The following KIAA0232 variants were observed in gnomAD, a reference collection of about 807,000 sequenced individuals.
KIAA0232 encodes KIAA0232, also known as uncharacterized protein KIAA0232.
Under a neutral mutation model 122.0 loss-of-function variants are expected in KIAA0232, and 27 were observed. That is an observed-to-expected ratio of 0.22 (90% CI 0.16 to 0.31). The LOEUF is 0.31. Ranked by LOEUF, KIAA0232 falls within the 10% of genes least tolerant of loss-of-function variation. The pLI, the probability that KIAA0232 is intolerant of heterozygous loss-of-function variation, is 1.00. For synonymous variants in KIAA0232, 613 were observed against 587.6 expected, an observed-to-expected ratio of 1.04 and a Z score of -0.63; for missense variants, 1,551 against 1,634.2, an observed-to-expected ratio of 0.95 and a Z score of 0.88.
intron 3 of KIAA0232, among the ~76,000 whole-genome samples, chr4:6,833,123 C>T (rs1379733900): frequency 6.6e-6 from 1 of 152,126 alleles, no homozygotes; most frequent in Non-Finnish European, 1.5e-5. Context: ...TGCGGTGTTT[C>T]CTGTTACAGT....
At position 6,882,621 on chromosome 4, in the gene KIAA0232, G is replaced by GGGGT. The variant is rs1560219037; in HGVS notation, c.*1656_*1657insGGTG. 7.3e-6 allele frequency: 1 copy of GGGGT among 137,606 alleles called. No homozygotes were observed. Among genetic ancestry groups the GGGGT allele is most frequent in the African/African-American group, 2.8e-5 (1 of 36,314 alleles). The allele number at this position is 137,606 out of a possible 1,614,324, so 8.5% of individuals were successfully genotyped here. A position where few individuals can be genotyped will look rare whatever the true frequency, so the allele number is the denominator to read the frequency against. The stretch of plus-strand genomic sequence containing the variant: ...ACACATTTTTTGACACTTTAAGGTG[G>GGGGT]GTGGGTGTGTGTGTGTGTGTGTGTG... On this transcript the variant is annotated 3_prime_UTR_variant, in exon 10 of 10. Coordinates refer to ENST00000307659, the MANE Select transcript of KIAA0232 (RefSeq NM_014743.3).
chr4:6,830,470 C>T (rs527910645), intron 3 of KIAA0232, among the ~76,000 whole-genome samples: 3 of 137,284 alleles, frequency 2.2e-5, no homozygotes, highest in Non-Finnish European at 3.0e-5. Flanking sequence ...AGTGCAGGGG[C>T]GATCTCAGCT....
intron 7 of KIAA0232, among the ~76,000 whole-genome samples, chr4:6,865,833 C>T (rs192434981): frequency 2.0e-5 from 3 of 152,320 alleles, no homozygotes; most frequent in Admixed American, 2.0e-4. Context: ...ATTAATTTTG[C>T]CCCTCTCTTA....
At chr4:6,852,889 G>A (rs1720369406) in intron 4 of KIAA0232, among the ~76,000 whole-genome samples, 1 of 152,202 alleles carries the variant, frequency 6.6e-6, no homozygotes, top group South Asian at 2.1e-4. Context: ...GAGGGCATCT[G>A]TCACACTCGG....
At chr4:6,875,470 G>C (rs1414153104) in intron 8 of KIAA0232, among the ~76,000 whole-genome samples, 2 of 152,208 alleles carry the variant, frequency 1.3e-5, no homozygotes, top group Non-Finnish European at 2.9e-5. Flanking sequence ...CCGTCAGAGA[G>C]AACAGCTGTG....
At chr4:6,784,315 G>A (rs1389456665) in intron 1 of KIAA0232, among the ~76,000 whole-genome samples, 1 of 151,902 alleles carries the variant, frequency 6.6e-6, no homozygotes, top group African/African-American at 2.4e-5. Flanking sequence ...GGTAATAGGC[G>A]ATGCTGTGGA....
At chr4:6,844,133 G>A (rs1326277869) in intron 4 of KIAA0232, among the ~76,000 whole-genome samples, 1 of 151,240 alleles carries the variant, frequency 6.6e-6, no homozygotes, top group Non-Finnish European at 1.5e-5. Flanking sequence ...GTAGTGATGG[G>A]GTATCACCGT....
At chr4:6,838,249 C>T (rs988643536) in intron 3 of KIAA0232, among the ~76,000 whole-genome samples, 3 of 149,834 alleles carry the variant, frequency 2.0e-5, no homozygotes, top group South Asian at 4.2e-4. Context: ...AGCACAGTGG[C>T]GTGATCTCTG....
chr4:6,855,818 G>A lies in KIAA0232; in HGVS notation c.370-1346G>A, dbSNP rs578055527. On this transcript the variant is annotated intron_variant, in intron 4 of 9. Transcript: ENST00000307659. This position sits in a 1 kb window ranked among gnomAD's most constrained non-coding sequence, Gnocchi z 4.3. Reference sequence around the variant, plus strand: ...TGCTGTACAGAACAGTATGCAGTGTGTCAGCTGACACTGGTGTTGGTTTCA... The same window carrying A: ...TGCTGTACAGAACAGTATGCAGTGTATCAGCTGACACTGGTGTTGGTTTCA... 1.0e-6 allele frequency: 1 copy of A among 984,816 alleles called. No homozygotes were observed. The highest frequency in any genetic ancestry group is 1.2e-6 in the Non-Finnish European group (1 of 829,402). The allele number at this position is 984,816 out of a possible 1,614,324, so 61.0% of individuals were successfully genotyped here.
intron 2 of KIAA0232, among the ~76,000 whole-genome samples, chr4:6,819,825 A>G (rs778946309): frequency 4.6e-5 from 7 of 152,194 alleles, no homozygotes; most frequent in Non-Finnish European, 1.0e-4. Context: ...TATTCACACT[A>G]GCAAAGATAC....
chr4:6,816,597 CTT>C (rs577221112), intron 2 of KIAA0232, among the ~76,000 whole-genome samples: 372 of 152,194 alleles, frequency 2.4e-3, no homozygotes, highest in South Asian at 6.3e-3. Flanking sequence ...CTTGTAATAT[CTT>C]TATTGGCTTT....
At chr4:6,814,460 A>T (rs957729215) in intron 2 of KIAA0232, among the ~76,000 whole-genome samples, 4 of 152,164 alleles carry the variant, frequency 2.6e-5, no homozygotes, top group African/African-American at 9.7e-5. Flanking sequence ...ACTATTCTTC[A>T]TATAATCCTA....
chr4:6,783,062 C>T (rs1379836900), intron 1 of KIAA0232, among the ~76,000 whole-genome samples: 7 of 149,990 alleles, frequency 4.7e-5, no homozygotes, highest in Non-Finnish European at 1.0e-4. Flanking sequence ...CCGAGGGCTC[C>T]GGGGCCAGCC....
At chr4:6,824,817 C>T (rs1405917699) in intron 3 of KIAA0232, 133 bp downstream of exon 3, 1 of 742,574 alleles carries the variant, frequency 1.3e-6, no homozygotes, top group Non-Finnish European at 2.2e-6. Flanking sequence ...TGTCAGTGAC[C>T]AGATGGTAAG....
At chr4:6,860,413 T>C (rs1720790665) in intron 6 of KIAA0232, among the ~76,000 whole-genome samples, 1 of 152,228 alleles carries the variant, frequency 6.6e-6, no homozygotes, top group African/African-American at 2.4e-5. Context: ...CCGAGCTTTT[T>C]AACCGCATAT....
intron 8 of KIAA0232, among the ~76,000 whole-genome samples, chr4:6,874,913 A>G (rs1036680447): frequency 2.0e-5 from 3 of 152,272 alleles, no homozygotes; most frequent in African/African-American, 7.2e-5. Context: ...TTGTATGTAC[A>G]GAATTCCTAA....
chr4:6,861,323 A>G lies in KIAA0232; in HGVS notation c.941A>G (p.Lys314Arg). 6.2e-7 allele frequency: 1 copy of G among 1,614,140 alleles called. No homozygotes were observed. The highest frequency in any genetic ancestry group is 8.5e-7 in the Non-Finnish European group (1 of 1,180,030). The change falls in exon 7 of 10, where the codon AAA (lysine) becomes AGA (arginine). Residue 314 changes from lysine (K) to arginine (R), a missense_variant. Coordinates refer to ENST00000307659, the MANE Select transcript of KIAA0232 (RefSeq NM_014743.3). ...TTAAAAGCATCCATGAAGTATGTTA[A>G]AGTAAGACACAAGGCACGAGAGATT... is the stretch of plus-strand genomic sequence containing the variant. ...GELKASMKYV[K>R]VRHKAREIRN...
At chr4:6,799,566 T>C (rs1717283879) in intron 1 of KIAA0232, among the ~76,000 whole-genome samples, 1 of 152,148 alleles carries the variant, frequency 6.6e-6, no homozygotes, top group Non-Finnish European at 1.5e-5. Context: ...CAATTTGGCC[T>C]CAAGTCAAAA....
chr4:6,800,680 CA>C (rs113651133), intron 1 of KIAA0232, among the ~76,000 whole-genome samples: 90 of 128,706 alleles, frequency 7.0e-4, no homozygotes, highest in Non-Finnish European at 7.3e-4. Flanking sequence ...AACTCCGTCT[CA>C]AAAAAAAAAA....
Sources: allele counts gnomAD v4.1 joint callset (sites outside exome capture counted in the v4.1 genomes callset), GRCh38; gene constraint gnomAD v4.1.1; non-coding constraint Gnocchi (gnomAD v3.1); transcripts MANE v1.5; gene names NCBI Gene and HGNC (gene_info 2026-07-23, HGNC 2026-07-21).